The following GAREM1 variants were observed in gnomAD, a reference collection of about 807,000 sequenced individuals.
The protein encoded by GAREM1 is GRB2-associated and regulator of MAPK protein 1.
GAREM1 carries 26 observed loss-of-function variants against 71.3 expected under a neutral mutation model. That is an observed-to-expected ratio of 0.36 (90% CI 0.27 to 0.51). The LOEUF is 0.51. Ranked by LOEUF, GAREM1 falls within the 20% of genes least tolerant of loss-of-function variation. The pLI is 0.95. For missense variants in GAREM1, 1,026 were observed against 1,103.1 expected (o/e 0.93, Z 0.99); for synonymous variants, 440 against 433.2 (o/e 1.02, Z -0.20).
chr18:32,322,223 G>A (rs2047435645), intron 2 of GAREM1, among the ~76,000 whole-genome samples: 1 of 152,172 alleles, frequency 6.6e-6, no homozygotes, highest in Non-Finnish European at 1.5e-5. Context: ...ACAGTCTGCT[G>A]ATTTAACCCT....
intron 4 of GAREM1, 76 bp downstream of exon 4, chr18:32,286,955 A>T (rs2047024435): frequency 8.8e-7 from 1 of 1,131,466 alleles, no homozygotes; most frequent in Non-Finnish European, 1.3e-6. Flanking sequence ...GGGGAGTTTT[A>T]AGAAAATAAA....
intron 5 of GAREM1, among the ~76,000 whole-genome samples, chr18:32,269,629 C>T (rs1434961004): frequency 6.6e-6 from 1 of 152,102 alleles, no homozygotes; most frequent in Admixed American, 6.5e-5. Context: ...TTGAAAGTTA[C>T]ACAGAGGTTG....
intron 3 of GAREM1, chr18:32,290,313 T>C (rs1473020273): frequency 6.6e-6 from 1 of 152,084 alleles, no homozygotes; most frequent in Non-Finnish European, 1.5e-5. Flanking sequence ...TCAAAAAGTA[T>C]GTGGATGGCA....
chr18:32,384,233 G>A (rs2048124086), intron 2 of GAREM1, among the ~76,000 whole-genome samples: 1 of 152,070 alleles, frequency 6.6e-6, no homozygotes, highest in African/African-American at 2.4e-5. Flanking sequence ...ACCACATGGT[G>A]AAAACAACAT....
chr18:32,453,147 GA>G (rs1291857045), intron 1 of GAREM1, among the ~76,000 whole-genome samples: 1 of 152,072 alleles, frequency 6.6e-6, no homozygotes, highest in Non-Finnish European at 1.5e-5. Context: ...CAGGAAGAAT[GA>G]CAGAATGAGA....
At position 32,470,417 on chromosome 18, in the gene GAREM1, C is replaced by G; in HGVS notation, c.12G>C (p.Ala4=). MDP[A]PSLGCSLKDV... Reference sequence around the variant, plus strand: ...CCTTGAGGCTGCAGCCCAGCGAGGGCGCCGGGTCCATCTTCCCCGAAGCCT... The same window carrying G: ...CCTTGAGGCTGCAGCCCAGCGAGGGGGCCGGGTCCATCTTCCCCGAAGCCT... The change falls in exon 1 of 6, where the codon GCG becomes GCC. Residue 4 remains alanine, a synonymous_variant. Transcript: ENST00000269209. The surrounding 1 kb of genome is among the most constrained non-coding windows in gnomAD (Gnocchi z 4.4). 2 of 1,515,054 alleles carry G rather than the reference C, an allele frequency of 1.3e-6. No homozygotes were observed. Among genetic ancestry groups the G allele is most frequent in the Non-Finnish European group, 1.8e-6 (2 of 1,127,718 alleles). The allele number at this position is 1,515,054 out of a possible 1,614,324, so 93.9% of individuals were successfully genotyped here. A position where few individuals can be genotyped will look rare whatever the true frequency, so the allele number is the denominator to read the frequency against.
intron 2 of GAREM1, among the ~76,000 whole-genome samples, chr18:32,354,119 G>T (rs2047781995): frequency 6.6e-6 from 1 of 152,072 alleles, no homozygotes; most frequent in East Asian, 1.9e-4. Context: ...AAATATAAAA[G>T]AATACTTTAG....
intron 1 of GAREM1, among the ~76,000 whole-genome samples, chr18:32,430,562 T>C (rs1051221791): frequency 6.6e-6 from 1 of 152,232 alleles, no homozygotes; most frequent in African/African-American, 2.4e-5. Context: ...CTCACCCTGT[T>C]TCTCCACGGA....
chr18:32,310,019 A>G (rs113121663), intron 3 of GAREM1, among the ~76,000 whole-genome samples, 174 bp downstream of exon 3: 1 of 152,350 alleles, frequency 6.6e-6, no homozygotes, highest in African/African-American at 2.4e-5. Context: ...TAAATACAGA[A>G]GCAGTCAGGG....
intron 2 of GAREM1, among the ~76,000 whole-genome samples, chr18:32,381,329 A>G (rs1325619285): frequency 3.9e-5 from 6 of 152,188 alleles, no homozygotes; most frequent in Non-Finnish European, 8.8e-5. Context: ...TTCTTACTCT[A>G]TTTCTTATTA....
In GAREM1 at chr18:32,264,900, T is replaced by C. The variant is rs992051374; in HGVS notation, c.*2971A>G. On this transcript the variant is annotated 3_prime_UTR_variant, in exon 6 of 6. Coordinates refer to ENST00000269209, the MANE Select transcript of GAREM1 (RefSeq NM_001242409.2). ...AGGACCCAAAAGGGTCTTGTTTAGA[T>C]AGACACTTCCTCTCTTTTGATTACA... 6.6e-6 allele frequency: 1 copy of C among 152,228 alleles called. No homozygotes were observed. Among genetic ancestry groups the C allele is most frequent in the Non-Finnish European group, 1.5e-5 (1 of 68,034 alleles). 9.4% of individuals were successfully genotyped at this position (152,228 alleles called of 1,614,324 possible).
intron 1 of GAREM1, among the ~76,000 whole-genome samples, chr18:32,434,312 G>C (rs1165442194): frequency 6.6e-6 from 1 of 152,052 alleles, no homozygotes; most frequent in East Asian, 1.9e-4. Context: ...GTGGACATTT[G>C]TTATTAGATA....
At chr18:32,453,460 C>T (rs1171163540) in intron 1 of GAREM1, among the ~76,000 whole-genome samples, 1 of 152,292 alleles carries the variant, frequency 6.6e-6, no homozygotes, top group Non-Finnish European at 1.5e-5. Flanking sequence ...CACAGCCACA[C>T]TTCCTTTGAG....
intron 3 of GAREM1, among the ~76,000 whole-genome samples, chr18:32,292,085 T>A (rs1354313467): frequency 6.6e-6 from 1 of 152,220 alleles, no homozygotes; most frequent in African/African-American, 2.4e-5. Context: ...CCACAATGGT[T>A]GAACTAATTT....
In GAREM1 at chr18:32,443,493, T is replaced by C. The variant is rs377014074; in HGVS notation, c.121+26815A>G. 1.4e-4 allele frequency among the ~76,000 whole-genome samples: 22 copies of C among 152,282 alleles called. No homozygotes were observed. In the South Asian group the frequency reaches 4.4e-3, roughly 30 times the overall value. On this transcript the variant is annotated intron_variant, in intron 1 of 5. Transcript: ENST00000269209. ...GACAAAGAATCTGAATAACCATTTATCCAAAGAAGATACACAAATGGCAAC... is the reference window on the plus strand; with the variant it reads ...GACAAAGAATCTGAATAACCATTTACCCAAAGAAGATACACAAATGGCAAC...
At chr18:32,302,783 A>C (rs1253611405) in intron 3 of GAREM1, among the ~76,000 whole-genome samples, 1 of 152,160 alleles carries the variant, frequency 6.6e-6, no homozygotes, top group African/African-American at 2.4e-5. Flanking sequence ...GGTGATGGAA[A>C]TGTTAATTAG....
In GAREM1 at chr18:32,470,507, G is replaced by C. The variant is rs1245978979; in HGVS notation, c.-79C>G. 2.7e-5 allele frequency: 29 copies of C among 1,069,138 alleles called. No individual in the cohort carries two copies. Among genetic ancestry groups the C allele is most frequent in the South Asian group, 4.2e-5 (1 of 23,574 alleles). The allele number at this position is 1,069,138 out of a possible 1,614,324, so 66.2% of individuals were successfully genotyped here. On this transcript the variant is annotated 5_prime_UTR_variant, in exon 1 of 6. Transcript: ENST00000269209. The surrounding 1 kb of genome is among the most constrained non-coding windows in gnomAD (Gnocchi z 4.4). ...CGCGCCTCGGCGGCCGCCGCTGCTC[G>C]CGCTCGCGGTCTGGGGCGCGCGGGA...
At chr18:32,467,712 G>A (rs2049011856) in intron 1 of GAREM1, among the ~76,000 whole-genome samples, 1 of 151,976 alleles carries the variant, frequency 6.6e-6, no homozygotes, top group African/African-American at 2.4e-5. Context: ...TTTTGTTCTA[G>A]TCTCTTTAAA....
chr18:32,433,361 C>G (rs2144261194), intron 1 of GAREM1, among the ~76,000 whole-genome samples: 1 of 151,590 alleles, frequency 6.6e-6, no homozygotes, highest in African/African-American at 2.4e-5. Context: ...TGTTTTCCCC[C>G]TAAAATCAAG....
Sources: gnomAD v4.1 joint callset for allele counts (sites outside exome capture counted in the v4.1 genomes callset) on GRCh38, gnomAD v4.1.1 for gene constraint, Gnocchi (gnomAD v3.1) non-coding constraint, MANE v1.5 for transcripts, NCBI Gene and HGNC (gene_info 2026-07-23, HGNC 2026-07-21) for gene names.